The following FBXL4 variants were observed in gnomAD, a reference collection of about 807,000 sequenced individuals.
FBXL4 encodes F-box/LRR-repeat protein 4.
Under a neutral mutation model 58.9 loss-of-function variants are expected in FBXL4, and 40 were observed. The ratio of observed to expected loss-of-function variants is 0.68; its 90% CI spans 0.53 to 0.88. The LOEUF (loss-of-function observed/expected upper bound fraction) is 0.88. Ranked by LOEUF, FBXL4 falls within the 40% of genes least tolerant of loss-of-function variation. The pLI is 0.00. For missense variants in FBXL4, 676 were observed against 734.4 expected (o/e 0.92, Z 0.92); for synonymous variants, 263 against 265.5 (o/e 0.99, Z 0.09).
chr6:98,869,265 T>C lies in FBXL4; in HGVS notation c.*5013A>G, dbSNP rs930262087. On this transcript the variant is annotated 3_prime_UTR_variant, in exon 10 of 10. Coordinates refer to ENST00000369244, the MANE Select transcript of FBXL4 (RefSeq NM_001278716.2). Reference sequence around the variant, plus strand: ...GATGTGTCAAAAATGACTTTGAAAATGTAAATTCCTGTGTCTGTAATAGGT... The same window carrying C: ...GATGTGTCAAAAATGACTTTGAAAACGTAAATTCCTGTGTCTGTAATAGGT... 1.3e-5 allele frequency: 2 copies of C among 151,924 alleles called. No homozygotes were observed. Among genetic ancestry groups the C allele is most frequent in the African/African-American group, 4.8e-5 (2 of 41,408 alleles). 9.4% of individuals were successfully genotyped at this position (151,924 alleles called of 1,614,324 possible). A position where few individuals can be genotyped will look rare whatever the true frequency, so the allele number is the denominator to read the frequency against.
rs1040054521 is a variant in FBXL4, at chr6:98,910,668, GA to G, written c.859-4999del. ...CGAGACTCCATCTCGAAAAAAAAAA[GA>G]AAAAAAAAAAGTATTGTGGGGGGAG... On this transcript the variant is annotated intron_variant, in intron 5 of 9. Coordinates refer to ENST00000369244, the MANE Select transcript of FBXL4 (RefSeq NM_001278716.2). Among the ~76,000 whole-genome samples the G allele has an allele frequency of 1.6e-3, 224 of 143,000 alleles. 1 individual carries two copies. Among genetic ancestry groups the G allele is most frequent in the African/African-American group, 5.3e-3 (208 of 39,206 alleles). 93.8% of individuals were successfully genotyped at this position (143,000 alleles called of 152,430 possible). A position where few individuals can be genotyped will look rare whatever the true frequency, so the allele number is the denominator to read the frequency against.
chr6:98,898,372 C>G (rs1771480140), intron 7 of FBXL4: 1 of 985,304 alleles, frequency 1.0e-6, no homozygotes, highest in African/African-American at 1.7e-5. Flanking sequence ...CTCTAGGACT[C>G]TATCCAACAG....
chr6:98,882,567 T>C (rs1770890984), intron 7 of FBXL4, among the ~76,000 whole-genome samples: 2 of 151,926 alleles, frequency 1.3e-5, no homozygotes, highest in South Asian at 4.1e-4. Context: ...ATCTCAAATA[T>C]ACAAACAAGT....
intron 7 of FBXL4, among the ~76,000 whole-genome samples, chr6:98,883,532 TA>T (rs1258587027): frequency 2.0e-5 from 3 of 151,908 alleles, no homozygotes; most frequent in Non-Finnish European, 4.4e-5. Flanking sequence ...TCTTTTTTTT[TA>T]AAATCAGAGT....
intron 4 of FBXL4, among the ~76,000 whole-genome samples, chr6:98,920,305 A>C (rs142465847): frequency 3.9e-5 from 6 of 152,282 alleles, no homozygotes; most frequent in African/African-American, 1.4e-4. Context: ...AGCATGTTTA[A>C]ACATATTAGG....
chr6:98,947,428 G>A (rs1773662883), intron 1 of FBXL4, among the ~76,000 whole-genome samples: 1 of 152,254 alleles, frequency 6.6e-6, no homozygotes, highest in African/African-American at 2.4e-5. Context: ...AAGCACAGGC[G>A]GGCATGTGGC....
At position 98,898,945 on chromosome 6, in the gene FBXL4, T is replaced by C. The variant is rs195843; in HGVS notation, c.1317+323A>G. ...CTGCAAGCAAATGTCCTCTTACATA[T>C]TATCCTCCTACCTTTCTCTAATTCA... On this transcript the variant is annotated intron_variant, in intron 7 of 9. Coordinates refer to ENST00000369244, the MANE Select transcript of FBXL4 (RefSeq NM_001278716.2). 629,807 of 985,028 alleles carry C rather than the reference T, an allele frequency of 0.64. 203,004 individuals carry two copies. The highest frequency in any genetic ancestry group is 0.85 in the African/African-American group (48,681 of 57,314). The allele number at this position is 985,028 out of a possible 1,614,324, so 61.0% of individuals were successfully genotyped here.
chr6:98,918,088 A>G (rs951632024), intron 4 of FBXL4, among the ~76,000 whole-genome samples: 1 of 152,162 alleles, frequency 6.6e-6, no homozygotes, highest in Non-Finnish European at 1.5e-5. Context: ...AACTGCGGAA[A>G]CTAAACTGAT....
chr6:98,907,047 T>C (rs1341642790), intron 5 of FBXL4, among the ~76,000 whole-genome samples: 1 of 152,198 alleles, frequency 6.6e-6, no homozygotes, highest in African/African-American at 2.4e-5. Flanking sequence ...GTTTAACTTC[T>C]TTGTAGATTC....
intron 5 of FBXL4, among the ~76,000 whole-genome samples, chr6:98,913,638 C>G (rs1162058857): frequency 6.6e-6 from 1 of 152,144 alleles, no homozygotes; most frequent in East Asian, 1.9e-4. Context: ...ACACAACATA[C>G]CAGAATCTCT....
At chr6:98,885,503 G>C (rs369885137) in intron 7 of FBXL4, among the ~76,000 whole-genome samples, 4 of 152,192 alleles carry the variant, frequency 2.6e-5, no homozygotes, top group African/African-American at 9.7e-5. Context: ...GGCCTCATCT[G>C]ATCAGCTGAA....
In FBXL4 at chr6:98,900,482, A is replaced by G. The variant is rs552764403; in HGVS notation, c.1104-1001T>C. Among the ~76,000 whole-genome samples the G allele has an allele frequency of 3.3e-5, 5 of 152,316 alleles. No homozygotes were observed. The South Asian group carries it at 1.0e-3, about 32-fold the overall frequency. ...AAAAGAAAGTAACACTGGTTAAAAG[A>G]TGGAGTTTTTTGCATTGTTTGACTA... On this transcript the variant is annotated intron_variant, in intron 6 of 9. Coordinates refer to ENST00000369244, the MANE Select transcript of FBXL4 (RefSeq NM_001278716.2).
chr6:98,923,849 C>CT lies in FBXL4; in HGVS notation c.512+2627dup, dbSNP rs1038867955. ...ACAGATTTTTTTCATATATATTTTC[C>CT]TTTTTTTTTGGTATTTTCTAGATTA... On this transcript the variant is annotated intron_variant, in intron 4 of 9. Transcript: ENST00000369244. 1.4e-3 allele frequency among the ~76,000 whole-genome samples: 210 copies of CT among 150,926 alleles called. 2 individuals are homozygous for CT. Among genetic ancestry groups the CT allele is most frequent in the Middle Eastern group, 6.9e-3 (2 of 290 alleles).
At chr6:98,941,019 A>AT (rs1304624881) in intron 1 of FBXL4, among the ~76,000 whole-genome samples, 1 of 152,186 alleles carries the variant, frequency 6.6e-6, no homozygotes, top group Admixed American at 6.5e-5. Flanking sequence ...ACGGTTTATT[A>AT]TAAAGGTCCA....
chr6:98,915,629 G>A (rs918946225), intron 5 of FBXL4, among the ~76,000 whole-genome samples: 22 of 152,090 alleles, frequency 1.4e-4, no homozygotes, highest in Non-Finnish European at 4.4e-5. Flanking sequence ...GTAGAAAGCT[G>A]AAACTGGATC....
In FBXL4 at chr6:98,926,810, T is replaced by C. The variant is rs1582439276; in HGVS notation, c.179A>G (p.Asp60Gly). Reference sequence around the variant, plus strand: ...CTCACTTCCATAATGGGAACTGAAATCCACTACTTCTTTGGCATACTGGAC... The same window carrying C: ...CTCACTTCCATAATGGGAACTGAAACCCACTACTTCTTTGGCATACTGGAC... ...EVVQYAKEVV[D>G]FSSHYGSENS... Residue 60 changes from aspartate (D) to glycine (G), a missense_variant, in exon 4 of 10, where the codon GAT becomes GGT. Transcript: ENST00000369244. The C allele has an allele frequency of 6.2e-7, 1 of 1,614,186 alleles. No individual in the cohort carries two copies. The highest frequency in any genetic ancestry group is 8.5e-7 in the Non-Finnish European group (1 of 1,180,028).
intron 2 of FBXL4, among the ~76,000 whole-genome samples, chr6:98,931,992 ACT>A (rs1240094003): frequency 6.6e-6 from 1 of 152,264 alleles, no homozygotes; most frequent in African/African-American, 2.4e-5. Flanking sequence ...AGATACAATA[ACT>A]CTATTTTATA....
At chr6:98,879,917 C>A (rs1001872959) in intron 8 of FBXL4, among the ~76,000 whole-genome samples, 1 of 120,520 alleles carries the variant, frequency 8.3e-6, no homozygotes, top group Non-Finnish European at 1.6e-5. Flanking sequence ...CACTCCAGCC[C>A]GGGCAACAGA....
At chr6:98,943,447 C>G (rs1773505946) in intron 1 of FBXL4, among the ~76,000 whole-genome samples, 1 of 151,670 alleles carries the variant, frequency 6.6e-6, no homozygotes, top group Non-Finnish European at 1.5e-5. Flanking sequence ...GTGGCATGCA[C>G]CTGCAGTCCA....
Sources: gnomAD v4.1 joint callset for allele counts (sites outside exome capture counted in the v4.1 genomes callset) on GRCh38, gnomAD v4.1.1 for gene constraint, MANE v1.5 for transcripts, NCBI Gene and HGNC (gene_info 2026-07-23, HGNC 2026-07-21) for gene names.